Variants in ITGB3BP observed in about 807,000 individuals in gnomAD.
The protein encoded by ITGB3BP is integrin subunit beta 3 binding protein.
In ITGB3BP, 27 loss-of-function variants were observed where a neutral mutation model predicts 29.1. The ratio of observed to expected loss-of-function variants is 0.93; its 90% CI spans 0.68 to 1.28. The LOEUF (loss-of-function observed/expected upper bound fraction) is 1.28, where lower values mean the gene tolerates loss of function less well. ITGB3BP is among the 50% of genes most tolerant of loss of function. The pLI, the probability that ITGB3BP is intolerant of heterozygous loss-of-function variation, is 0.00. For synonymous variants in ITGB3BP, 61 were observed against 61.4 expected, an observed-to-expected ratio of 0.99 and a Z score of 0.03; for missense variants, 192 against 200.2, an observed-to-expected ratio of 0.96 and a Z score of 0.25.
intron 4 of ITGB3BP, among the ~76,000 whole-genome samples, chr1:63,465,166 T>C (rs890949654): frequency 3.3e-5 from 5 of 152,144 alleles, no homozygotes; most frequent in African/African-American, 1.2e-4. Flanking sequence ...TAAAAAAGGA[T>C]GTCTGCAACT....
intron 4 of ITGB3BP, among the ~76,000 whole-genome samples, chr1:63,472,492 C>A (rs1304013654): frequency 6.8e-6 from 1 of 146,320 alleles, no homozygotes; most frequent in Non-Finnish European, 1.5e-5. Context: ...TCTCCACGGT[C>A]TCCTTCCATG....
intron 4 of ITGB3BP, among the ~76,000 whole-genome samples, chr1:63,473,199 C>T (rs1327436447): frequency 7.9e-5 from 12 of 151,578 alleles, no homozygotes; most frequent in South Asian, 2.1e-4. Flanking sequence ...CGTCTCTGCC[C>T]GGCCGCCCCG....
chr1:63,510,103 T>A (rs780189542), intron 1 of ITGB3BP: 1 of 633,310 alleles, frequency 1.6e-6, no homozygotes, highest in South Asian at 1.7e-5. Context: ...GGCAGGAGAA[T>A]CGCTTGAACG....
intron 4 of ITGB3BP, among the ~76,000 whole-genome samples, chr1:63,469,822 C>T (rs1034172676): frequency 5.9e-5 from 9 of 152,208 alleles, no homozygotes; most frequent in Non-Finnish European, 5.9e-5. Flanking sequence ...AAAATCTGGC[C>T]GTAAACTGGC....
At chr1:63,448,775 T>C (rs1275229425) in intron 7 of ITGB3BP, among the ~76,000 whole-genome samples, 1 of 152,174 alleles carries the variant, frequency 6.6e-6, no homozygotes, top group Admixed American at 6.5e-5. Context: ...TACAGTATTT[T>C]TATTTAATAA....
intron 3 of ITGB3BP, among the ~76,000 whole-genome samples, chr1:63,483,459 A>C (rs1450281543): frequency 6.6e-6 from 1 of 152,202 alleles, no homozygotes; most frequent in Non-Finnish European, 1.5e-5. Context: ...GCTACTTGAA[A>C]AAAAATCAGT....
intron 2 of ITGB3BP, among the ~76,000 whole-genome samples, chr1:63,503,410 A>G (rs1645989784): frequency 6.6e-6 from 1 of 152,072 alleles, no homozygotes; most frequent in African/African-American, 2.4e-5. Flanking sequence ...TCTGGATATT[A>G]GCCCTTTGTC....
chr1:63,460,980 C>A (rs1645006809), intron 4 of ITGB3BP, among the ~76,000 whole-genome samples: 1 of 151,392 alleles, frequency 6.6e-6, no homozygotes, highest in South Asian at 2.1e-4. Flanking sequence ...TGGCTCATGC[C>A]TGTAATCCCA....
chr1:63,446,590 C>T (rs754752104), intron 8 of ITGB3BP: 13 of 520,896 alleles, frequency 2.5e-5, no homozygotes, highest in African/African-American at 5.7e-5. Context: ...GTCAGCTCAA[C>T]AGTTCTTTCC....
chr1:63,495,202 G>A (rs1645757191), intron 2 of ITGB3BP, among the ~76,000 whole-genome samples: 1 of 152,140 alleles, frequency 6.6e-6, no homozygotes, highest in Non-Finnish European at 1.5e-5. Context: ...TATGAATTTT[G>A]TATATGAAGT....
intron 1 of ITGB3BP, among the ~76,000 whole-genome samples, chr1:63,513,319 T>C (rs1646241859): frequency 6.6e-6 from 1 of 152,180 alleles, no homozygotes; most frequent in South Asian, 2.1e-4. Flanking sequence ...TTTTAAGCCA[T>C]TCCTATCATT....
intron 2 of ITGB3BP, among the ~76,000 whole-genome samples, chr1:63,502,422 T>G (rs1645954333): frequency 6.6e-6 from 1 of 151,940 alleles, no homozygotes; most frequent in African/African-American, 2.4e-5. Flanking sequence ...AAGACATACC[T>G]GAGACTGGGA....
intron 1 of ITGB3BP, among the ~76,000 whole-genome samples, chr1:63,517,729 T>C (rs979299369): frequency 1.3e-5 from 2 of 152,184 alleles, no homozygotes; most frequent in Non-Finnish European, 2.9e-5. Flanking sequence ...TTTTTTGTTG[T>C]TGTTGTTTTT....
intron 1 of ITGB3BP, among the ~76,000 whole-genome samples, chr1:63,520,142 T>C (rs1327971146): frequency 6.6e-6 from 1 of 152,124 alleles, no homozygotes; most frequent in Non-Finnish European, 1.5e-5. Context: ...ATTTGATTAC[T>C]TACAGCAAGA....
At chr1:63,516,799 A>T (rs1355798827) in intron 1 of ITGB3BP, among the ~76,000 whole-genome samples, 1 of 152,132 alleles carries the variant, frequency 6.6e-6, no homozygotes, top group African/African-American at 2.4e-5. Context: ...CAATGGGTAC[A>T]TATGAACATA....
chr1:63,520,653 A>T (rs1337263038), intron 1 of ITGB3BP, among the ~76,000 whole-genome samples: 1 of 152,200 alleles, frequency 6.6e-6, no homozygotes, highest in Admixed American at 6.5e-5. Context: ...ACTAATGAAA[A>T]AATGTAAGCT....
At chr1:63,511,306 G>A (rs1409982551) in intron 1 of ITGB3BP, among the ~76,000 whole-genome samples, 1 of 152,152 alleles carries the variant, frequency 6.6e-6, no homozygotes, top group East Asian at 1.9e-4. Flanking sequence ...AAGTGTTGGT[G>A]AGGATGTAGA....
At chr1:63,525,538 T>C, upstream of ITGB3BP, 5 of 1,423,176 alleles carry the variant, frequency 3.5e-6, no homozygotes, top group Middle Eastern at 1.9e-4. Flanking sequence ...GTGACTCACA[T>C]TGACAAACAC....
chr1:63,498,794 T>C lies in ITGB3BP; in HGVS notation c.49-8576A>G, dbSNP rs556922209. 2.0e-5 allele frequency among the ~76,000 whole-genome samples: 3 copies of C among 151,298 alleles called. No homozygotes were observed. The South Asian group carries it at 6.3e-4, about 32-fold the overall frequency. ...CAGTATTTTGAGAAGATCAACAAAA[T>C]TGGTAAATCTTCAGCTAGACTGATG... On this transcript the variant is annotated intron_variant, in intron 2 of 8. Transcript: ENST00000271002.
Sources: allele counts gnomAD v4.1 joint callset (sites outside exome capture counted in the v4.1 genomes callset), GRCh38; gene constraint gnomAD v4.1.1; transcripts MANE v1.5; gene names NCBI Gene and HGNC (gene_info 2026-07-23, HGNC 2026-07-21).